Variants in TRAPPC9 observed in about 807,000 individuals in gnomAD.
The protein encoded by TRAPPC9 is trafficking protein particle complex subunit 9, also known as IKK2 binding protein.
A neutral mutation model predicts 124.0 loss-of-function variants in TRAPPC9; 83 were observed. The observed-to-expected ratio is 0.67, with a 90% CI of 0.56 to 0.80. The LOEUF is 0.80. Among genes scored for constraint, TRAPPC9 ranks in the 30% least tolerant of loss-of-function variants. TRAPPC9 has a pLI of 0.00. For missense variants in TRAPPC9, 1,302 were observed against 1,508.3 expected (o/e 0.86, Z 2.27); for synonymous variants, 638 against 617.5 (o/e 1.03, Z -0.49).
At chr8:140,388,144 G>A (rs922380601) in intron 7 of TRAPPC9, among the ~76,000 whole-genome samples, 1 of 145,808 alleles carries the variant, frequency 6.9e-6, no homozygotes, top group Admixed American at 7.2e-5. Context: ...AACACCGCAT[G>A]TTCTCACTCA....
chr8:139,740,505 A>G (rs1818481077), intron 21 of TRAPPC9, among the ~76,000 whole-genome samples: 1 of 152,346 alleles, frequency 6.6e-6, no homozygotes, highest in East Asian at 1.9e-4. Context: ...CACAGGTGGT[A>G]AAGTGTGTCT....
At chr8:139,866,114 A>G (rs1828519784) in intron 21 of TRAPPC9, among the ~76,000 whole-genome samples, 1 of 152,236 alleles carries the variant, frequency 6.6e-6, no homozygotes, top group African/African-American at 2.4e-5. Flanking sequence ...ATGTCAGGTT[A>G]GCATAAGAGG....
chr8:139,784,606 GACATATATATATATATATATATATAT>G (rs1822064105), intron 21 of TRAPPC9, among the ~76,000 whole-genome samples: 1 of 30,434 alleles, frequency 3.3e-5, no homozygotes, highest in South Asian at 1.7e-3. Context: ...ATAAAAGACT[GACATATATATATATATATATATATAT>G]ATATATATAT....
In TRAPPC9 at chr8:140,038,356, G is replaced by A. The variant is rs191199489; in HGVS notation, c.2557-14277C>T. Among the ~76,000 whole-genome samples the A allele has an allele frequency of 2.8e-3, 420 of 152,280 alleles. 2 individuals carry two copies. Among genetic ancestry groups the A allele is most frequent in the African/African-American group, 9.8e-3 (406 of 41,548 alleles). On this transcript the variant is annotated intron_variant, in intron 17 of 22. Transcript: ENST00000438773. ...ACCTGCAACGTGGCCTGACACCCCT[G>A]AGGCTGCATCCAAAGCTGGCCTTCA...
chr8:139,955,166 C>T (rs1834892176), intron 19 of TRAPPC9, among the ~76,000 whole-genome samples: 1 of 152,120 alleles, frequency 6.6e-6, no homozygotes, highest in Non-Finnish European at 1.5e-5. Flanking sequence ...CTGCCACCAG[C>T]TGCACCAGCC....
chr8:140,047,567 TG>T (rs1415087238), intron 17 of TRAPPC9, among the ~76,000 whole-genome samples: 1 of 151,956 alleles, frequency 6.6e-6, no homozygotes, highest in Non-Finnish European at 1.5e-5. Flanking sequence ...GGGACAAGAG[TG>T]GGCTGGCTGG....
chr8:139,826,612 G>T (rs1017494944), intron 21 of TRAPPC9, among the ~76,000 whole-genome samples: 5 of 152,236 alleles, frequency 3.3e-5, no homozygotes, highest in African/African-American at 1.2e-4. Context: ...CACATGGGCA[G>T]GGCTCGGCGA....
chr8:139,986,756 A>T (rs1837260859), intron 19 of TRAPPC9, among the ~76,000 whole-genome samples: 1 of 152,232 alleles, frequency 6.6e-6, no homozygotes, highest in Non-Finnish European at 1.5e-5. Flanking sequence ...TCAAGTGATT[A>T]GTTGCCGAGT....
intron 21 of TRAPPC9, among the ~76,000 whole-genome samples, chr8:139,882,868 C>G (rs1337263916): frequency 2.0e-5 from 3 of 152,184 alleles, no homozygotes. Flanking sequence ...CATGATAGAG[C>G]TGGGATCTGA....
At chr8:139,841,634 G>A (rs1826736273) in intron 21 of TRAPPC9, among the ~76,000 whole-genome samples, 1 of 152,218 alleles carries the variant, frequency 6.6e-6, no homozygotes, top group Non-Finnish European at 1.5e-5. Flanking sequence ...TCTGTCCCTG[G>A]TGTGGTCACA....
At chr8:139,971,126 A>G (rs990674349) in intron 19 of TRAPPC9, among the ~76,000 whole-genome samples, 2 of 151,602 alleles carry the variant, frequency 1.3e-5, no homozygotes, top group African/African-American at 4.8e-5. Flanking sequence ...ATCAGCACCC[A>G]GGCTCCCGCC....
chr8:139,979,358 G>A (rs1212045892), intron 19 of TRAPPC9, among the ~76,000 whole-genome samples: 2 of 152,182 alleles, frequency 1.3e-5, no homozygotes, highest in Admixed American at 6.5e-5. Flanking sequence ...CCGCCCACTC[G>A]CAAGCCAAAC....
intron 1 of TRAPPC9, among the ~76,000 whole-genome samples, 156 bp downstream of exon 1, chr8:140,457,483 G>C (rs963236155): frequency 1.3e-5 from 2 of 152,192 alleles, no homozygotes; most frequent in African/African-American, 4.8e-5. Context: ...ACCCCGGCCC[G>C]GCAGCGGACC....
intron 9 of TRAPPC9, 71 bp downstream of exon 9, chr8:140,359,979 A>G (rs2067893348): frequency 1.2e-6 from 2 of 1,608,242 alleles, no homozygotes; most frequent in South Asian, 1.1e-5. Flanking sequence ...CAGGGTTTAC[A>G]TGAACCAGCA....
intron 1 of TRAPPC9, among the ~76,000 whole-genome samples, chr8:140,454,892 A>G (rs867411902): frequency 1.9e-4 from 28 of 151,274 alleles, no homozygotes; most frequent in African/African-American, 6.8e-4. Context: ...GTGAACTGAG[A>G]TCACACCACT....
At chr8:139,947,280 CCA>C (rs1834290349) in intron 19 of TRAPPC9, among the ~76,000 whole-genome samples, 1 of 152,136 alleles carries the variant, frequency 6.6e-6, no homozygotes, top group African/African-American at 2.4e-5. Flanking sequence ...TTTTCATAAA[CCA>C]CCAGGTACTA....
At chr8:140,190,331 G>T (rs926855464) in intron 17 of TRAPPC9, among the ~76,000 whole-genome samples, 1 of 152,044 alleles carries the variant, frequency 6.6e-6, no homozygotes, top group Non-Finnish European at 1.5e-5. Context: ...CATGGCAGGC[G>T]ACTGTAATCC....
intron 17 of TRAPPC9, among the ~76,000 whole-genome samples, chr8:140,052,135 G>A (rs1842037833): frequency 6.6e-6 from 1 of 151,976 alleles, no homozygotes; most frequent in Admixed American, 6.6e-5. Flanking sequence ...TGCATTCCAG[G>A]GTTTATAATG....
chr8:139,915,149 GGGTGGC>G (rs138895252), intron 19 of TRAPPC9, among the ~76,000 whole-genome samples: 29,823 of 152,114 alleles, frequency 0.2, 2,917 homozygotes, highest in East Asian at 0.27. Flanking sequence ...GGCTCCTGGA[GGGTGGC>G]GGTGGCGGTG....
Sources: allele counts gnomAD v4.1 joint callset (sites outside exome capture counted in the v4.1 genomes callset), GRCh38; gene constraint gnomAD v4.1.1; transcripts MANE v1.5; gene names NCBI Gene and HGNC (gene_info 2026-07-23, HGNC 2026-07-21).